NXPE4: variants seen among roughly 807,000 people sequenced by gnomAD.
NXPE4 encodes NXPE family member 4.
A neutral mutation model predicts 33.3 loss-of-function variants in NXPE4; 42 were observed. The observed-to-expected ratio is 1.26, with a 90% CI of 0.98 to 1.63. NXPE4 has a LOEUF of 1.63. Ranked by LOEUF, NXPE4 falls within the 40% of genes most tolerant of loss-of-function variation. NXPE4 has a pLI of 0.00. For synonymous variants in NXPE4, 253 were observed against 234.9 expected, an observed-to-expected ratio of 1.08 and a Z score of -0.71; for missense variants, 709 against 647.6, an observed-to-expected ratio of 1.09 and a Z score of -1.03.
chr11:114,609,522 G>A, the NXPE4 span, among the ~76,000 whole-genome samples: 15 of 151,606 alleles, frequency 9.9e-5, no homozygotes, highest in African/African-American at 2.7e-4. Flanking sequence ...GTACTGCTTC[G>A]TGGGTAACCA....
chr11:114,672,148 G>C, the NXPE4 span, among the ~76,000 whole-genome samples: 6 of 152,074 alleles, frequency 3.9e-5, no homozygotes, highest in Admixed American at 1.3e-4. Context: ...CCACCCCCAT[G>C]ATTCAATCAC....
chr11:114,618,311 A>G, the NXPE4 span, among the ~76,000 whole-genome samples: 45 of 152,078 alleles, frequency 3.0e-4, no homozygotes, highest in African/African-American at 1.1e-3. Flanking sequence ...TATCTGTTGG[A>G]TAATAGGTAT....
the NXPE4 span, among the ~76,000 whole-genome samples, chr11:114,651,347 C>G: frequency 6.6e-6 from 1 of 151,470 alleles, no homozygotes; most frequent in Non-Finnish European, 1.5e-5. Context: ...GTGGCACGTC[C>G]GGAGTTGTTT....
chr11:114,610,335 AT>A, the NXPE4 span, among the ~76,000 whole-genome samples: 1 of 150,506 alleles, frequency 6.6e-6, no homozygotes. Flanking sequence ...AATAATAAGT[AT>A]GGCCTCATGA....
At chr11:114,663,276 T>C in the NXPE4 span, among the ~76,000 whole-genome samples, 2 of 152,182 alleles carry the variant, frequency 1.3e-5, no homozygotes, top group South Asian at 4.1e-4. Context: ...TCAGCCGCAG[T>C]ACAGTAGAAC....
chr11:114,651,508 C>T, the NXPE4 span, among the ~76,000 whole-genome samples: 1 of 152,160 alleles, frequency 6.6e-6, no homozygotes, highest in Non-Finnish European at 1.5e-5. Flanking sequence ...AAAGAACAAA[C>T]CTGCCACAGC....
At chr11:114,624,695 T>C in the NXPE4 span, among the ~76,000 whole-genome samples, 2,469 of 150,832 alleles carry the variant, frequency 0.016, 75 homozygotes, top group African/African-American at 0.055. Flanking sequence ...GTATTGCCTC[T>C]AGGGTAACCA....
chr11:114,626,359 T>C, the NXPE4 span, among the ~76,000 whole-genome samples: 3 of 152,100 alleles, frequency 2.0e-5, no homozygotes, highest in Non-Finnish European at 4.4e-5. Context: ...CTCAAGTGGG[T>C]CCCTGACCCC....
intron 2 of NXPE4, among the ~76,000 whole-genome samples, chr11:114,591,694 T>C (rs1333835584): frequency 6.6e-6 from 1 of 152,110 alleles, no homozygotes; most frequent in Non-Finnish European, 1.5e-5. Context: ...TGGAAAGTCC[T>C]TAAAATCCTT....
Position 114,582,745 on chromosome 11 carries a change from C to A in NXPE4, c.373G>T (p.Asp125Tyr). The A allele has an allele frequency of 6.2e-7, 1 of 1,614,158 alleles. No homozygotes were observed. The highest frequency in any genetic ancestry group is 1.6e-4 in the Middle Eastern group (1 of 6,062). Residue 125 changes from aspartate (D) to tyrosine (Y), a missense_variant, in exon 3 of 6, where the codon GAC becomes TAC. Coordinates refer to ENST00000375478, the MANE Select transcript of NXPE4 (RefSeq NM_001077639.2). ...DQLHILLEVR[D>Y]HLGRRKQYGG... ...TATTGCTTCCTGCGTCCCAAGTGGT[C>A]CCTCACCTCCAGCAGGATGTGCAGC...
At chr11:114,626,115 G>A in the NXPE4 span, among the ~76,000 whole-genome samples, 9 of 152,302 alleles carry the variant, frequency 5.9e-5, no homozygotes, top group East Asian at 1.4e-3. Flanking sequence ...GCCCGCCATT[G>A]CCCAGGCTTG....
the NXPE4 span, among the ~76,000 whole-genome samples, chr11:114,634,502 T>C: frequency 9.2e-5 from 14 of 152,066 alleles, 1 homozygote; most frequent in Admixed American, 5.2e-4. Context: ...CTTTTGTTGC[T>C]ATTGCTTTTG....
intron 2 of NXPE4, chr11:114,584,281 C>T: frequency 3.9e-6 from 2 of 506,596 alleles, no homozygotes; most frequent in Non-Finnish European, 8.0e-6. Context: ...ATATTTCAAG[C>T]CCTACATCAG....
chr11:114,602,374 A>G, the NXPE4 span, among the ~76,000 whole-genome samples: 1 of 127,932 alleles, frequency 7.8e-6, no homozygotes, highest in Non-Finnish European at 1.6e-5. Context: ...GTTATATACA[A>G]TATATATTAT....
the NXPE4 span, among the ~76,000 whole-genome samples, chr11:114,638,720 A>G: frequency 9.9e-5 from 15 of 152,124 alleles, no homozygotes; most frequent in Non-Finnish European, 1.8e-4. Flanking sequence ...GGTGTTTGCT[A>G]GAAGTCTACT....
chr11:114,597,109 T>C (rs1449006590), upstream of NXPE4, among the ~76,000 whole-genome samples: 1 of 82,178 alleles, frequency 1.2e-5, no homozygotes, highest in Non-Finnish European at 2.5e-5. Context: ...ATAATATTAC[T>C]TGAAGGATAG....
the NXPE4 span, among the ~76,000 whole-genome samples, chr11:114,661,948 C>G: frequency 1.9e-3 from 284 of 152,220 alleles, 7 homozygotes; most frequent in East Asian, 0.048. Context: ...AAGAAATTAT[C>G]CTGGTAAAAG....
chr11:114,663,602 T>TATC, the NXPE4 span, among the ~76,000 whole-genome samples: 5 of 97,398 alleles, frequency 5.1e-5, no homozygotes, highest in Non-Finnish European at 8.8e-5. Flanking sequence ...TCTATCTATC[T>TATC]ATCTATCTAT....
the NXPE4 span, among the ~76,000 whole-genome samples, chr11:114,671,081 A>G: frequency 6.8e-6 from 1 of 146,740 alleles, no homozygotes; most frequent in South Asian, 2.1e-4. Flanking sequence ...ATATAAATAT[A>G]TATATAAATA....
Sources: allele counts gnomAD v4.1 joint callset (sites outside exome capture counted in the v4.1 genomes callset), GRCh38; gene constraint gnomAD v4.1.1; transcripts MANE v1.5; gene names NCBI Gene and HGNC (gene_info 2026-07-23, HGNC 2026-07-21).